NAV1: variants seen among roughly 807,000 people sequenced by gnomAD.
NAV1 encodes the protein neuron navigator 1, also known as pore membrane and/or filament interacting like protein 3.
NAV1 carries 18 observed loss-of-function variants against 175.2 expected under a neutral mutation model. The ratio of observed to expected loss-of-function variants is 0.10; its 90% confidence interval spans 0.07 to 0.15. The LOEUF (loss-of-function observed/expected upper bound fraction) is 0.15. NAV1 is among the 10% of genes least tolerant of loss of function. NAV1 has a pLI of 1.00. For missense variants in NAV1, 1,731 were observed against 2,436.6 expected (o/e 0.71, Z 6.10); for synonymous variants, 897 against 978.7 (o/e 0.92, Z 1.56).
chr1:201,697,194 C>T (rs189870127), intron 1 of NAV1, among the ~76,000 whole-genome samples: 19 of 152,250 alleles, frequency 1.2e-4, no homozygotes, highest in South Asian at 4.1e-4. Flanking sequence ...GTGGAACCAT[C>T]CTGGAAATGG....
In NAV1 at chr1:201,602,534, G is replaced by GGT. The variant is rs1558014130; in HGVS notation, c.-33+13886_-33+13887dup. Among the ~76,000 whole-genome samples, 3 of 151,854 alleles carry GGT rather than the reference G, an allele frequency of 2.0e-5. No homozygotes were observed. The East Asian group carries it at 5.8e-4, about 29-fold the overall frequency. ...TGTTTTGTGTTTTTAGTAGAGACAG[G>GGT]GTTCCACCGTGTTGGCCAGGCTGGC... On this transcript the variant is annotated intron_variant, in intron 2 of 33. Coordinates refer to the NAV1 transcript ENST00000685211.
chr1:201,766,387 TG>T (rs1302952254), intron 3 of NAV1, among the ~76,000 whole-genome samples: 1 of 152,154 alleles, frequency 6.6e-6, no homozygotes, highest in Non-Finnish European at 1.5e-5. Context: ...TAGGGCCACA[TG>T]GGGATGAGGA....
At chr1:201,673,769 G>C (rs964838466) in intron 1 of NAV1, 2 of 152,286 alleles carry the variant, frequency 1.3e-5, no homozygotes, top group Admixed American at 1.3e-4. Context: ...GCCTTGTCTA[G>C]AGCCTAGATG....
Position 201,546,920 on chromosome 1 carries a change from A to AC in NAV1, c.-144+7578_-144+7579insC, listed in dbSNP as rs1181342997. 5.9e-5 allele frequency among the ~76,000 whole-genome samples: 9 copies of AC among 151,924 alleles called. 1 individual carries two copies. The highest frequency in any genetic ancestry group is 5.9e-4 in the Admixed American group (9 of 15,224). On this transcript the variant is annotated intron_variant, in intron 1 of 33. Transcript: ENST00000685211. ...CTCTGTCTCAAAAAAAAAAAAAAAA[A>AC]AGTAATTTGTTGACATCATGATACT...
chr1:201,588,440 T>C (rs1473308277), intron 1 of NAV1, among the ~76,000 whole-genome samples, 99 bp from the exon 2 acceptor site: 1 of 152,066 alleles, frequency 6.6e-6, no homozygotes, highest in Non-Finnish European at 1.5e-5. Flanking sequence ...CTCAAACTCC[T>C]GGGCTCAAGC....
intron 1 of NAV1, among the ~76,000 whole-genome samples, chr1:201,689,143 T>G (rs1035345490): frequency 1.3e-5 from 2 of 152,230 alleles, no homozygotes; most frequent in African/African-American, 2.4e-5. Flanking sequence ...TCCACCTTTT[T>G]GTAGGAACTT....
At chr1:201,631,666 C>T (rs1471037477) in intron 2 of NAV1, among the ~76,000 whole-genome samples, 1 of 152,242 alleles carries the variant, frequency 6.6e-6, no homozygotes, top group Admixed American at 6.5e-5. Context: ...CTCGCTAGGC[C>T]CCATGGCATA....
At chr1:201,683,686 T>A (rs188806547) in intron 1 of NAV1, among the ~76,000 whole-genome samples, 298 of 152,290 alleles carry the variant, frequency 2.0e-3, no homozygotes, top group Non-Finnish European at 3.7e-3. Flanking sequence ...GAAGCCCTGG[T>A]CCATGCTACC....
rs772013213 is a variant in NAV1 at position 201,808,660 on chromosome 1, G to C, written c.4039-43G>C. The C allele has an allele frequency of 1.6e-5, 26 of 1,614,120 alleles. No homozygotes were observed. The highest frequency in any genetic ancestry group is 1.6e-4 in the Middle Eastern group (1 of 6,084). ...AGGAAAGGGAAGACCAAGGCTTGCT[G>C]TCTGTCCAGTCTGCCACCCTACCCT... On this transcript the variant is annotated intron_variant, in intron 19 of 29. Transcript: ENST00000367296. This position sits in a 1 kb window ranked among gnomAD's most constrained non-coding sequence, Gnocchi z 5.5.
At chr1:201,617,903 G>A (rs1483824735) in intron 2 of NAV1, among the ~76,000 whole-genome samples, 1 of 152,174 alleles carries the variant, frequency 6.6e-6, no homozygotes, top group Non-Finnish European at 1.5e-5. Flanking sequence ...GTGAGATGGG[G>A]CAGAAAAAGT....
At chr1:201,676,761 A>G (rs1044447769) in intron 1 of NAV1, among the ~76,000 whole-genome samples, 2 of 152,154 alleles carry the variant, frequency 1.3e-5, no homozygotes, top group African/African-American at 4.8e-5. Flanking sequence ...ATAATTAGAT[A>G]ATTAATAATC....
At chr1:201,649,081 C>G (rs1478965449) in exon 1 of NAV1, 3 of 1,613,112 alleles carry the variant, frequency 1.9e-6, no homozygotes, top group Non-Finnish European at 1.7e-6. Flanking sequence ...ATGTCCAAGA[C>G]GCTGTCCAAG....
chr1:201,731,737 A>G (rs1558106354), intron 3 of NAV1, among the ~76,000 whole-genome samples: 3 of 152,162 alleles, frequency 2.0e-5, no homozygotes, highest in East Asian at 1.9e-4. Context: ...GAATGACACT[A>G]TCTACACATA....
chr1:201,574,857 T>C (rs1260634929), intron 1 of NAV1, among the ~76,000 whole-genome samples: 1 of 152,194 alleles, frequency 6.6e-6, no homozygotes, highest in Non-Finnish European at 1.5e-5. Context: ...GCGGGGCTTG[T>C]TGCCCCCGCC....
chr1:201,773,534 A>G (rs1310365724), intron 3 of NAV1, among the ~76,000 whole-genome samples: 1 of 152,212 alleles, frequency 6.6e-6, no homozygotes, highest in Non-Finnish European at 1.5e-5. Context: ...TCTGAACCAG[A>G]GCAAAGGCAG....
intron 2 of NAV1, among the ~76,000 whole-genome samples, chr1:201,601,876 C>G (rs1449315861): frequency 6.6e-6 from 1 of 152,164 alleles, no homozygotes; most frequent in Non-Finnish European, 1.5e-5. Context: ...CCTAGCCCAG[C>G]ATCCCTTTCT....
At chr1:201,691,462 G>A (rs748247717) in intron 1 of NAV1, among the ~76,000 whole-genome samples, 6 of 152,308 alleles carry the variant, frequency 3.9e-5, no homozygotes, top group Non-Finnish European at 1.5e-5. Flanking sequence ...ATGGTGTTTG[G>A]CACATAGAAA....
At chr1:201,572,494 G>A (rs1301279003) in intron 1 of NAV1, among the ~76,000 whole-genome samples, 1 of 149,342 alleles carries the variant, frequency 6.7e-6, no homozygotes, top group Non-Finnish European at 1.5e-5. Flanking sequence ...TCAGCCTCCC[G>A]AGTAGCTGGG....
intron 3 of NAV1, among the ~76,000 whole-genome samples, chr1:201,735,944 C>T (rs894409735): frequency 2.0e-5 from 3 of 152,178 alleles, no homozygotes; most frequent in African/African-American, 7.2e-5. Context: ...CTCCCAATTC[C>T]TTTCTCTTTC....
Sources: gnomAD v4.1 joint callset for allele counts (sites outside exome capture counted in the v4.1 genomes callset) on GRCh38, gnomAD v4.1.1 for gene constraint, Gnocchi (gnomAD v3.1) non-coding constraint, MANE v1.5 for transcripts, NCBI Gene and HGNC (gene_info 2026-07-23, HGNC 2026-07-21) for gene names.